UBLCP1: variants seen among roughly 807,000 people sequenced by gnomAD.
UBLCP1 encodes ubiquitin like domain containing CTD phosphatase 1.
In UBLCP1, 28 loss-of-function variants were observed where a neutral mutation model predicts 42.4. The observed-to-expected ratio is 0.66, with a 90% confidence interval of 0.49 to 0.90. UBLCP1 has a LOEUF of 0.90. Ranked by LOEUF, UBLCP1 falls within the 40% of genes least tolerant of loss-of-function variation. UBLCP1 has a pLI of 0.00. For missense variants in UBLCP1, 279 were observed against 374.5 expected, an observed-to-expected ratio of 0.75 and a Z score of 2.10; for synonymous variants, 122 against 120.8, an observed-to-expected ratio of 1.01 and a Z score of -0.07.
chr5:159,283,415 GTA>G (rs1376035951), intron 10 of UBLCP1, 76 bp downstream of exon 10: 7 of 1,198,350 alleles, frequency 5.8e-6, no homozygotes, highest in Non-Finnish European at 8.2e-6. Flanking sequence ...AGTGACCCCA[GTA>G]TATATATAGC....
chr5:159,283,465 AC>A (rs1753631657), intron 10 of UBLCP1, 126 bp downstream of exon 10: 2 of 805,324 alleles, frequency 2.5e-6, no homozygotes, highest in Non-Finnish European at 3.7e-6. Context: ...ACTTCTAAAA[AC>A]ATTTTCTAAT....
chr5:159,264,207 T>TA (rs1753343321), intron 1 of UBLCP1, among the ~76,000 whole-genome samples: 1 of 152,204 alleles, frequency 6.6e-6, no homozygotes, highest in African/African-American at 2.4e-5. Context: ...AACTCCAACC[T>TA]AAACAGCTAT....
chr5:159,271,673 G>T (rs75753698), intron 5 of UBLCP1, among the ~76,000 whole-genome samples: 1 of 152,126 alleles, frequency 6.6e-6, no homozygotes, highest in Non-Finnish European at 1.5e-5. Flanking sequence ...CAAGGTAGAT[G>T]ACTAAAGGTG....
chr5:159,276,349 G>A (rs1183384822), intron 8 of UBLCP1, among the ~76,000 whole-genome samples: 6 of 152,094 alleles, frequency 3.9e-5, no homozygotes, highest in Admixed American at 6.6e-5. Flanking sequence ...CTTAGGATAC[G>A]AGGAAACCTT....
At chr5:159,266,010 C>G (rs1753386809) in intron 1 of UBLCP1, among the ~76,000 whole-genome samples, 1 of 152,160 alleles carries the variant, frequency 6.6e-6, no homozygotes, top group Non-Finnish European at 1.5e-5. Flanking sequence ...AGCATGAAAA[C>G]AGACTAATAC....
rs544535430 is a variant in UBLCP1 at position 159,263,648 on chromosome 5, A to G, written c.-47+288A>G. The stretch of plus-strand genomic sequence containing the variant: ...TCAGGCTTGTCCATCCCTCCCCTCA[A>G]CCTCCTTGTTGAAGGCATCCCGGCC... On this transcript the variant is annotated intron_variant, in intron 1 of 10. Coordinates refer to ENST00000296786, the MANE Select transcript of UBLCP1 (RefSeq NM_145049.5). Among the ~76,000 whole-genome samples, 81 of 151,126 alleles carry G rather than the reference A, an allele frequency of 5.4e-4. 1 individual carries two copies. The Middle Eastern group carries it at 0.014, about 25-fold the overall frequency.
At chr5:159,274,900 G>A (rs1339678759) in intron 7 of UBLCP1, among the ~76,000 whole-genome samples, 1 of 152,078 alleles carries the variant, frequency 6.6e-6, no homozygotes, top group African/African-American at 2.4e-5. Context: ...TTGCTCTAGT[G>A]TGCAATACTT....
chr5:159,266,021 G>T (rs561332638), intron 1 of UBLCP1, among the ~76,000 whole-genome samples: 1 of 152,084 alleles, frequency 6.6e-6, no homozygotes, highest in African/African-American at 2.4e-5. Flanking sequence ...AGACTAATAC[G>T]GTAAATTGGT....
In UBLCP1 at chr5:159,285,307, G is replaced by A. The variant is rs946494339; in HGVS notation, c.*376G>A. 1 of 157,250 alleles carries A rather than the reference G, an allele frequency of 6.4e-6. No homozygotes were observed. Among genetic ancestry groups the A allele is most frequent in the African/African-American group, 2.6e-5 (1 of 38,528 alleles). 9.7% of individuals were successfully genotyped at this position (157,250 alleles called of 1,614,324 possible). A position where few individuals can be genotyped will look rare whatever the true frequency, so the allele number is the denominator to read the frequency against. ...TGACTTTGGAAACAAGTTATGTTTT[G>A]TGTTTTTGTCTCATTGTGTTATTGT... On this transcript the variant is annotated 3_prime_UTR_variant, in exon 11 of 11. Coordinates refer to ENST00000296786, the MANE Select transcript of UBLCP1 (RefSeq NM_145049.5).
In UBLCP1 at chr5:159,284,963, C is replaced by T. The variant is rs770260509; in HGVS notation, c.*32C>T. The T allele has an allele frequency of 1.1e-5, 17 of 1,606,468 alleles. No individual in the cohort carries two copies. The highest frequency in any genetic ancestry group is 1.4e-5 in the Non-Finnish European group (16 of 1,173,612). On this transcript the variant is annotated 3_prime_UTR_variant, in exon 11 of 11. Coordinates refer to ENST00000296786, the MANE Select transcript of UBLCP1 (RefSeq NM_145049.5). ...GTTATACTGGCAGTTATTGAAGATA[C>T]TTAAGATCCAAGAACTTCTTGCTTT...
chr5:159,268,808 A>T, intron 1 of UBLCP1, 62 bp from the exon 2 acceptor site: 1 of 1,263,706 alleles, frequency 7.9e-7, no homozygotes, highest in Non-Finnish European at 1.1e-6. Flanking sequence ...CATAAAACTT[A>T]AAAGTTTGGC....
chr5:159,265,615 A>G (rs1753380684), intron 1 of UBLCP1, among the ~76,000 whole-genome samples: 2 of 152,120 alleles, frequency 1.3e-5, no homozygotes. Flanking sequence ...GTGGGAGGTA[A>G]TTGAATCATG....
rs771516397 is a variant in UBLCP1 at position 159,270,443 on chromosome 5, T to G, written c.330T>G (p.Asn110Lys). The G allele has an allele frequency of 1.2e-6, 2 of 1,612,890 alleles. No homozygotes were observed. Among genetic ancestry groups the G allele is most frequent in the East Asian group, 4.5e-5 (2 of 44,762 alleles). The change falls in exon 4 of 11, where the codon AAT becomes AAG. Residue 110 changes from asparagine (N) to lysine (K), a missense_variant and splice_region_variant. Transcript: ENST00000296786. ...AAGATGAAGTAGTTGAAGTAGAAAA[T>G]AGGTAAGTGCTTTTCGCTTTAGAAG... is the stretch of plus-strand genomic sequence containing the variant. ...DIEDEVVEVE[N>K]REENLLKISR...
chr5:159,265,865 G>C (rs1315404290), intron 1 of UBLCP1, among the ~76,000 whole-genome samples: 3 of 152,012 alleles, frequency 2.0e-5, no homozygotes, highest in African/African-American at 7.3e-5. Flanking sequence ...TGTATTTTTA[G>C]TAGAGATGGG....
At chr5:159,278,096 T>C in intron 8 of UBLCP1, 142 bp from the exon 9 acceptor site, 1 of 591,464 alleles carries the variant, frequency 1.7e-6, no homozygotes, top group Non-Finnish European at 3.0e-6. Context: ...GTGGGTTGCA[T>C]TTAATGATTA....
intron 8 of UBLCP1, among the ~76,000 whole-genome samples, chr5:159,275,857 A>C (rs1429091650): frequency 1.3e-5 from 2 of 152,184 alleles, no homozygotes; most frequent in African/African-American, 4.8e-5. Context: ...AATACTGAAT[A>C]TTATCAAGGA....
At chr5:159,265,705 G>A (rs554055058) in intron 1 of UBLCP1, among the ~76,000 whole-genome samples, 53 of 152,238 alleles carry the variant, frequency 3.5e-4, no homozygotes, top group African/African-American at 1.2e-3. Context: ...AGGGGTTTCC[G>A]CTTTTCTGTC....
chr5:159,269,902 T>C lies in UBLCP1; in HGVS notation c.155-6T>C, dbSNP rs1584737989. On this transcript the variant is annotated splice_region_variant and splice_polypyrimidine_tract_variant and intron_variant, in intron 2 of 10. Transcript: ENST00000296786. The stretch of plus-strand genomic sequence containing the variant: ...GTGAGAAAACAGTCATTTGCTTGTA[T>C]TGTAGGCAAACCTGCAGAAAATGAT... 1 of 1,611,058 alleles carries C rather than the reference T, an allele frequency of 6.2e-7. No individual in the cohort carries two copies. Among genetic ancestry groups the C allele is most frequent in the Non-Finnish European group, 8.5e-7 (1 of 1,178,170 alleles).
At chr5:159,270,094 C>T in intron 3 of UBLCP1, 95 bp downstream of exon 3, 1 of 1,114,358 alleles carries the variant, frequency 9.0e-7, no homozygotes, top group Non-Finnish European at 1.3e-6. Context: ...GTAAAATTGT[C>T]AGTCTAGCAA....
Sources: gnomAD v4.1 joint callset for allele counts (sites outside exome capture counted in the v4.1 genomes callset) on GRCh38, gnomAD v4.1.1 for gene constraint, MANE v1.5 for transcripts, NCBI Gene and HGNC (gene_info 2026-07-23, HGNC 2026-07-21) for gene names.